The following PRRG1 variants were observed in gnomAD, a reference collection of about 807,000 sequenced individuals.
The protein encoded by PRRG1 is transmembrane gamma-carboxyglutamic acid protein 1.
Under a neutral mutation model 11.8 loss-of-function variants are expected in PRRG1, and 5 were observed. That is an observed-to-expected ratio of 0.42 (90% CI 0.22 to 0.89). PRRG1 has a LOEUF of 0.89. PRRG1 is among the 40% of genes least tolerant of loss of function. The probability of loss-of-function intolerance (pLI) is 0.28; values close to 1 mark genes in which losing one functional copy is unlikely to be tolerated. For synonymous variants in PRRG1, 66 were observed against 60.4 expected, an observed-to-expected ratio of 1.09 and a Z score of -0.43; for missense variants, 155 against 166.1, an observed-to-expected ratio of 0.93 and a Z score of 0.37.
At chrX:37,404,749 AGATGTGTTG>A (rs1165283984) in intron 1 of PRRG1, among the ~76,000 whole-genome samples, 2 of 111,855 alleles carry the variant, frequency 1.8e-5, no homozygotes, top group African/African-American at 6.5e-5. Context: ...CTTTCAAAAA[AGATGTGTTG>A]ATGAGAAGTC....
intron 1 of PRRG1, among the ~76,000 whole-genome samples, chrX:37,373,589 A>G (rs1260427246): frequency 1.8e-5 from 2 of 111,554 alleles, no homozygotes; most frequent in Admixed American, 1.9e-4. Context: ...TTTATTTTGT[A>G]GGTAGTTCAT....
At chrX:37,375,056 T>C (rs782806118) in intron 1 of PRRG1, among the ~76,000 whole-genome samples, 59 of 112,331 alleles carry the variant, frequency 5.3e-4, no homozygotes, top group African/African-American at 1.8e-3. Context: ...TACTTCCCTG[T>C]TACATTTGAG....
intron 3 of PRRG1, among the ~76,000 whole-genome samples, chrX:37,437,957 G>C (rs1180538072): frequency 9.2e-6 from 1 of 109,216 alleles, no homozygotes; most frequent in Non-Finnish European, 1.9e-5. Flanking sequence ...CTTTTTTGTT[G>C]GTTTCTATGG....
chrX:37,381,516 C>T (rs781910634), intron 1 of PRRG1, among the ~76,000 whole-genome samples: 5 of 111,162 alleles, frequency 4.5e-5, no homozygotes, highest in Non-Finnish European at 9.5e-5. Flanking sequence ...TACCATAGCT[C>T]ATGTAACAAA....
intron 3 of PRRG1, chrX:37,440,955 G>A: frequency 1.7e-6 from 1 of 605,560 alleles, no homozygotes; most frequent in Non-Finnish European, 2.5e-6. Flanking sequence ...ATTATGTGCA[G>A]ACAAGGTCCC....
At chrX:37,398,169 T>C (rs1931789745) in intron 1 of PRRG1, among the ~76,000 whole-genome samples, 1 of 111,400 alleles carries the variant, frequency 9.0e-6, no homozygotes, top group African/African-American at 3.3e-5. Context: ...ACGGGCAGAC[T>C]GCCTCCTCAA....
chrX:37,384,316 A>G (rs969508032), intron 1 of PRRG1, among the ~76,000 whole-genome samples: 1 of 111,663 alleles, frequency 9.0e-6, no homozygotes. Flanking sequence ...GCTAAGGCTA[A>G]CATAAGATTC....
intron 2 of PRRG1, among the ~76,000 whole-genome samples, chrX:37,424,641 G>A (rs1932752632): frequency 9.2e-6 from 1 of 108,340 alleles, no homozygotes; most frequent in Admixed American, 9.8e-5. Context: ...GTCATAAAGG[G>A]AACCCTTTAT....
chrX:37,358,583 A>G (rs960252847), intron 1 of PRRG1, among the ~76,000 whole-genome samples: 17 of 111,508 alleles, frequency 1.5e-4, no homozygotes, highest in African/African-American at 4.9e-4. Flanking sequence ...CTGTTTGTCC[A>G]TTCTTTTGCC....
intron 1 of PRRG1, 51 bp from the exon 2 acceptor site, chrX:37,406,158 C>T (rs1932182919): frequency 1.8e-6 from 2 of 1,110,859 alleles, no homozygotes; most frequent in Non-Finnish European, 2.5e-6. Context: ...TCTGATGTAG[C>T]CACTCAGCCT....
At chrX:37,411,914 C>G (rs1932361250) in intron 2 of PRRG1, among the ~76,000 whole-genome samples, 1 of 111,749 alleles carries the variant, frequency 8.9e-6, no homozygotes, top group African/African-American at 3.2e-5. Context: ...GGAGGATAAT[C>G]TGAATTAAAA....
intron 3 of PRRG1, among the ~76,000 whole-genome samples, chrX:37,443,029 C>T (rs1233195440): frequency 7.1e-5 from 8 of 112,179 alleles, no homozygotes; most frequent in South Asian, 3.8e-4. Flanking sequence ...TGACTGGCTG[C>T]TTTGAAGAAT....
At chrX:37,377,893 G>A (rs1162202294) in intron 1 of PRRG1, among the ~76,000 whole-genome samples, 1 of 111,520 alleles carries the variant, frequency 9.0e-6, no homozygotes, top group Non-Finnish European at 1.9e-5. Context: ...CAGAGCTGTG[G>A]GTAGCCATCT....
intron 1 of PRRG1, among the ~76,000 whole-genome samples, chrX:37,398,396 T>G (rs1556378941): frequency 2.7e-5 from 3 of 111,326 alleles, no homozygotes; most frequent in East Asian, 5.6e-4. Flanking sequence ...TCTAGCAAAC[T>G]CCAACAGACC....
chrX:37,384,153 A>T (rs782293208), intron 1 of PRRG1, among the ~76,000 whole-genome samples: 43 of 111,510 alleles, frequency 3.9e-4, no homozygotes, highest in African/African-American at 1.4e-3. Context: ...ATATAATGCA[A>T]CCACACTTAC....
At chrX:37,370,751 A>G (rs1230755731) in intron 1 of PRRG1, among the ~76,000 whole-genome samples, 8 of 111,706 alleles carry the variant, frequency 7.2e-5, no homozygotes, top group Middle Eastern at 4.6e-3. Flanking sequence ...AAGGCCCCCC[A>G]TGCGCCTGCC....
chrX:37,454,921 A>G lies in PRRG1; in HGVS notation c.*1300A>G, dbSNP rs1772969167. ...AAGAAAACAAGACAGTTGTTCATAA[A>G]GTTTCATTTTGTATGCACTGATGGC... On this transcript the variant is annotated 3_prime_UTR_variant, in exon 4 of 4. Coordinates refer to ENST00000378628, the MANE Select transcript of PRRG1 (RefSeq NM_001142395.2). 8.9e-6 allele frequency: 1 copy of G among 112,496 alleles called. No homozygotes were observed. The highest frequency in any genetic ancestry group is 3.2e-5 in the African/African-American group (1 of 30,909). 9.3% of individuals were successfully genotyped at this position (112,496 alleles called of 1,213,427 possible).
intron 2 of PRRG1, among the ~76,000 whole-genome samples, chrX:37,423,339 GA>G (rs1389572140): frequency 1.8e-5 from 2 of 109,495 alleles, no homozygotes; most frequent in Admixed American, 9.8e-5. Context: ...TATATATAAA[GA>G]AAATATTTTT....
chrX:37,376,551 G>GCATATATATATATATA (rs1556372317), intron 1 of PRRG1, among the ~76,000 whole-genome samples: 1 of 26,911 alleles, frequency 3.7e-5, no homozygotes, highest in African/African-American at 7.7e-5. Flanking sequence ...AAATGTGAGT[G>GCATATATATATATATA]TATATATATA....
Sources: allele counts gnomAD v4.1 joint callset (sites outside exome capture counted in the v4.1 genomes callset), GRCh38; gene constraint gnomAD v4.1.1; transcripts MANE v1.5; gene names NCBI Gene and HGNC (gene_info 2026-07-23, HGNC 2026-07-21).